Variants in PCDH10 observed in about 807,000 individuals in gnomAD.
The protein encoded by PCDH10 is protocadherin 10, also known as protocadherin-10.
PCDH10 carries 15 observed loss-of-function variants against 74.4 expected under a neutral mutation model. The observed-to-expected ratio is 0.20, with a 90% CI of 0.13 to 0.31. PCDH10 has a LOEUF of 0.31. PCDH10 is among the 10% of genes least tolerant of loss of function. PCDH10 has a pLI of 1.00. For missense variants in PCDH10, 1,260 were observed against 1,390.2 expected (o/e 0.91, Z 1.49); for synonymous variants, 619 against 589.8 (o/e 1.05, Z -0.72).
intron 2 of PCDH10, among the ~76,000 whole-genome samples, chr4:133,204,759 T>C (rs1443505088): frequency 1.3e-5 from 2 of 152,132 alleles, no homozygotes; most frequent in African/African-American, 2.4e-5. Context: ...ATTCACTCTA[T>C]TGGTGAGGGA....
intron 4 of PCDH10, among the ~76,000 whole-genome samples, chr4:133,171,669 A>G (rs17587163): frequency 0.025 from 3,853 of 152,286 alleles, 75 homozygotes; most frequent in Middle Eastern, 0.075. Flanking sequence ...TGGTAGGAAT[A>G]AGTCTATAGA....
intron 1 of PCDH10, 50 bp downstream of exon 1, chr4:133,152,821 G>T: frequency 6.2e-7 from 1 of 1,609,786 alleles, no homozygotes; most frequent in South Asian, 1.1e-5. Context: ...CCATCAGAAA[G>T]CCTCCTCTAG....
At chr4:133,158,468 T>G (rs1726907608) in intron 3 of PCDH10, among the ~76,000 whole-genome samples, 1 of 152,150 alleles carries the variant, frequency 6.6e-6, no homozygotes, top group African/African-American at 2.4e-5. Flanking sequence ...AATTGTCAAA[T>G]TTCTCTTCAA....
At chr4:133,195,232 T>C (rs1231566718), downstream of PCDH10, among the ~76,000 whole-genome samples, 4 of 152,096 alleles carry the variant, frequency 2.6e-5, no homozygotes, top group Admixed American at 2.0e-4. Context: ...CTTAATCTCA[T>C]GTGTGTTCTC....
chr4:133,171,030 CA>C (rs113851351), intron 4 of PCDH10, among the ~76,000 whole-genome samples: 25 of 143,410 alleles, frequency 1.7e-4, no homozygotes, highest in African/African-American at 1.5e-4. Context: ...TTAAGTATAG[CA>C]AAAAAAAAAA....
intron 1 of PCDH10, 142 bp from the exon 2 acceptor site, chr4:133,154,165 A>G (rs1246685624): frequency 1.6e-6 from 1 of 628,076 alleles, no homozygotes; most frequent in East Asian, 3.1e-5. Flanking sequence ...AGCAATCACT[A>G]GGATGAGGTT....
intron 3 of PCDH10, among the ~76,000 whole-genome samples, chr4:133,162,083 A>T (rs563667295): frequency 1.3e-5 from 2 of 152,326 alleles, no homozygotes; most frequent in South Asian, 4.1e-4. Context: ...TCTAAGGAAG[A>T]CAATGAAATT....
chr4:133,190,330 A>G lies in PCDH10; in HGVS notation c.*170A>G. ...ATTATAGGACCTAATTGCTCTCAGC[A>G]GGCCTGAGAAATGAGTTGAAATGTG... On this transcript the variant is annotated 3_prime_UTR_variant, in exon 5 of 5. Coordinates refer to ENST00000264360, the MANE Select transcript of PCDH10 (RefSeq NM_032961.3). 1 of 648,988 alleles carries G rather than the reference A, an allele frequency of 1.5e-6. No individual in the cohort carries two copies. Among genetic ancestry groups the G allele is most frequent in the Non-Finnish European group, 2.8e-6 (1 of 358,284 alleles). The allele number at this position is 648,988 out of a possible 1,614,324, so 40.2% of individuals were successfully genotyped here.
chr4:133,207,569 GT>G (rs70959803), intron 2 of PCDH10, among the ~76,000 whole-genome samples: 36,214 of 150,618 alleles, frequency 0.24, 4,645 homozygotes, highest in Middle Eastern at 0.31. Context: ...TATTTGTGAG[GT>G]TTTTTTTTCA....
At chr4:133,198,601 G>A (rs1453440151), downstream of PCDH10, among the ~76,000 whole-genome samples, 2 of 152,112 alleles carry the variant, frequency 1.3e-5, no homozygotes, top group Admixed American at 6.5e-5. Context: ...ATATTACTCC[G>A]TTTAAAGGTG....
Position 133,167,375 on chromosome 4 carries a change from A to C in PCDH10, c.3103+4093A>C, listed in dbSNP as rs78087035. Among the ~76,000 whole-genome samples, 681 of 151,626 alleles carry C rather than the reference A, an allele frequency of 4.5e-3. 7 individuals are homozygous for C. The highest frequency in any genetic ancestry group is 0.016 in the African/African-American group (666 of 41,522). On this transcript the variant is annotated intron_variant, in intron 4 of 4. Transcript: ENST00000264360. Reference sequence around the variant, plus strand: ...CATAATTTGTTGAACTCAGTAGTGCAGTAAGAGCGTACATAGAATTCAAAA... The same window carrying C: ...CATAATTTGTTGAACTCAGTAGTGCCGTAAGAGCGTACATAGAATTCAAAA...
chr4:133,202,028 G>C (rs563779705), intron 2 of PCDH10, among the ~76,000 whole-genome samples: 17 of 152,120 alleles, frequency 1.1e-4, no homozygotes, highest in African/African-American at 4.1e-4. Context: ...CTTAATTTTA[G>C]ACCCCCATTA....
chr4:133,184,172 A>G (rs777168506), intron 4 of PCDH10, among the ~76,000 whole-genome samples: 9 of 152,130 alleles, frequency 5.9e-5, no homozygotes, highest in Admixed American at 1.3e-4. Flanking sequence ...AGTACATATT[A>G]TAATACTACC....
chr4:133,187,475 C>T (rs1727567782), intron 4 of PCDH10, among the ~76,000 whole-genome samples: 1 of 151,966 alleles, frequency 6.6e-6, no homozygotes, highest in South Asian at 2.1e-4. Context: ...GTAAGATTAG[C>T]TTCTTCTAAC....
intron 4 of PCDH10, among the ~76,000 whole-genome samples, chr4:133,179,322 G>C (rs1210519254): frequency 6.6e-6 from 1 of 152,056 alleles, no homozygotes; most frequent in Non-Finnish European, 1.5e-5. Flanking sequence ...CAAAATATTT[G>C]ACTCATGTTC....
At chr4:133,172,085 T>G (rs918520646) in intron 4 of PCDH10, among the ~76,000 whole-genome samples, 8 of 152,022 alleles carry the variant, frequency 5.3e-5, no homozygotes, top group Admixed American at 2.0e-4. Context: ...GTACTAAATC[T>G]TCCATGTTTT....
At position 133,203,886 on chromosome 4, in the gene PCDH10, G is replaced by T. The variant is rs181856866; in HGVS notation, n.438-4190G>T. On this transcript the variant is annotated intron_variant and non_coding_transcript_variant, in intron 2 of 2. Transcript: ENST00000511112. ...AGTGCTGGAGTCTGCATCTAGTAAG[G>T]TCATTTTGACTGTGAGGCAGGCATG... 1.1e-4 allele frequency among the ~76,000 whole-genome samples: 17 copies of T among 152,240 alleles called. No individual in the cohort carries two copies. In the East Asian group the frequency reaches 2.5e-3, roughly 23 times the overall value.
rs1727750684 is a variant in PCDH10 at position 133,194,469 on chromosome 4, A to G, written c.*4309A>G. 6.6e-6 allele frequency: 1 copy of G among 151,884 alleles called. No homozygotes were observed. Among genetic ancestry groups the G allele is most frequent in the Non-Finnish European group, 1.5e-5 (1 of 67,828 alleles). The allele number at this position is 151,884 out of a possible 1,614,324, so 9.4% of individuals were successfully genotyped here. A position where few individuals can be genotyped will look rare whatever the true frequency, so the allele number is the denominator to read the frequency against. ...CTGTGAGTGAAAACAGGGTATTATA[A>G]CAAAAGATGAGTTTCAATCTTAACT... On this transcript the variant is annotated 3_prime_UTR_variant, in exon 5 of 5. Coordinates refer to ENST00000264360, the MANE Select transcript of PCDH10 (RefSeq NM_032961.3).
intron 4 of PCDH10, chr4:133,163,802 C>A (rs926989996): frequency 3.0e-5 from 11 of 372,780 alleles, no homozygotes; most frequent in Non-Finnish European, 5.1e-5. Flanking sequence ...TAAGCTAGAA[C>A]GAAAGATGAG....
Sources: gnomAD v4.1 joint callset for allele counts (sites outside exome capture counted in the v4.1 genomes callset) on GRCh38, gnomAD v4.1.1 for gene constraint, MANE v1.5 for transcripts, NCBI Gene and HGNC (gene_info 2026-07-23, HGNC 2026-07-21) for gene names.